The following HNRNPM variants were observed in gnomAD, a reference collection of about 807,000 sequenced individuals.
HNRNPM encodes the protein heterogeneous nuclear ribonucleoprotein M, also known as CEA receptor.
In HNRNPM, 11 loss-of-function variants were observed where a neutral mutation model predicts 73.1. That is an observed-to-expected ratio of 0.15 (90% CI 0.09 to 0.25). HNRNPM has a LOEUF of 0.25. HNRNPM is among the 10% of genes least tolerant of loss of function. The pLI is 1.00. For synonymous variants in HNRNPM, 407 were observed against 355.2 expected, an observed-to-expected ratio of 1.15 and a Z score of -1.64; for missense variants, 789 against 1,067.9, an observed-to-expected ratio of 0.74 and a Z score of 3.64.
At chr19:8,486,737 C>T (rs1442602142) in intron 14 of HNRNPM, among the ~76,000 whole-genome samples, 1 of 152,222 alleles carries the variant, frequency 6.6e-6, no homozygotes, top group Non-Finnish European at 1.5e-5. Flanking sequence ...CCCAGCTCAG[C>T]CACCCTTAGC....
chr19:8,473,586 G>A, intron 10 of HNRNPM, 78 bp from the exon 11 acceptor site: 1 of 862,774 alleles, frequency 1.2e-6, no homozygotes, highest in Non-Finnish European at 1.9e-6. Context: ...TTGCTGGTTT[G>A]GAATTATGCT....
At chr19:8,487,887 C>G (rs75970983) in intron 15 of HNRNPM, 4,577 of 152,556 alleles carry the variant, frequency 0.03, 112 homozygotes, top group South Asian at 0.088. Context: ...AGTGGGATCA[C>G]AGCGCCCCCA....
Position 8,472,657 on chromosome 19 carries a change from C to T in HNRNPM, c.998-1007C>T, listed in dbSNP as rs1324219759. Among the ~76,000 whole-genome samples the T allele has an allele frequency of 2.6e-5, 4 of 152,186 alleles. No homozygotes were observed. The East Asian group carries it at 7.7e-4, about 29-fold the overall frequency. ...GCAGTGGCTCAATCTCAGCTTACCG[C>T]ACTCAATCTCTGCCTCCTGGGTTCA... On this transcript the variant is annotated intron_variant, in intron 10 of 15. Coordinates refer to ENST00000325495, the MANE Select transcript of HNRNPM (RefSeq NM_005968.5).
At chr19:8,470,367 G>A (rs950162349) in intron 9 of HNRNPM, among the ~76,000 whole-genome samples, 3 of 151,934 alleles carry the variant, frequency 2.0e-5, no homozygotes, top group Non-Finnish European at 4.4e-5. Flanking sequence ...TCGCTCTGTC[G>A]CCCAGGCTGG....
chr19:8,445,653 C>T (rs1968107614), intron 1 of HNRNPM: 2 of 152,408 alleles, frequency 1.3e-5, no homozygotes, highest in South Asian at 4.1e-4. Flanking sequence ...CCCTCCTGCC[C>T]CGCCCCTTAG....
intron 15 of HNRNPM, 52 bp downstream of exon 15, chr19:8,487,127 G>A (rs770627064): frequency 9.4e-6 from 14 of 1,486,530 alleles, no homozygotes; most frequent in Admixed American, 5.0e-5. Flanking sequence ...TGTTGGTGAC[G>A]CAGCCGAGTC....
Position 8,462,316 on chromosome 19 carries a change from A to G in HNRNPM, c.284-213A>G, listed in dbSNP as rs1969459299. 1.9e-6 allele frequency: 1 copy of G among 515,088 alleles called. No individual in the cohort carries two copies. The highest frequency in any genetic ancestry group is 3.2e-5 in the Admixed American group (1 of 30,784). 31.9% of individuals were successfully genotyped at this position (515,088 alleles called of 1,614,324 possible). A position where few individuals can be genotyped will look rare whatever the true frequency, so the allele number is the denominator to read the frequency against. On this transcript the variant is annotated intron_variant, in intron 2 of 15. Coordinates refer to ENST00000325495, the MANE Select transcript of HNRNPM (RefSeq NM_005968.5). The surrounding 1 kb of genome is among the most constrained non-coding windows in gnomAD (Gnocchi z 4.5). Reference sequence around the variant, plus strand: ...TGTGGAATAGCTTGTTTGTGGTGGGAGGAAAATCAAGGACATATTGTTAAC... The same window carrying G: ...TGTGGAATAGCTTGTTTGTGGTGGGGGGAAAATCAAGGACATATTGTTAAC...
chr19:8,469,324 T>C (rs1314667968), intron 9 of HNRNPM, among the ~76,000 whole-genome samples: 2 of 152,160 alleles, frequency 1.3e-5, no homozygotes, highest in African/African-American at 4.8e-5. Context: ...GAAAGTAGAT[T>C]AGTGGTTGCC....
intron 12 of HNRNPM, among the ~76,000 whole-genome samples, chr19:8,476,305 G>A (rs937734461): frequency 6.6e-6 from 1 of 152,152 alleles, no homozygotes; most frequent in African/African-American, 2.4e-5. Context: ...CTTGGGCACT[G>A]CAAGGAAACT....
Position 8,462,428 on chromosome 19 carries a change from G to A in HNRNPM, c.284-101G>A. ...GAGTGTTTCTGGGCTTTCTTATAAG[G>A]CAGAGGCTCCATACAAGGTTGCTGA... On this transcript the variant is annotated intron_variant, in intron 2 of 15. Coordinates refer to ENST00000325495, the MANE Select transcript of HNRNPM (RefSeq NM_005968.5). The surrounding 1 kb of genome is among the most constrained non-coding windows in gnomAD (Gnocchi z 4.5). The A allele has an allele frequency of 1.0e-6, 1 of 968,328 alleles. No individual in the cohort carries two copies. Among genetic ancestry groups the A allele is most frequent in the Non-Finnish European group, 1.7e-6 (1 of 593,892 alleles). 60.0% of individuals were successfully genotyped at this position (968,328 alleles called of 1,614,324 possible).
In HNRNPM at chr19:8,485,716, G is replaced by A. The variant is rs1470667120; in HGVS notation, c.1288G>A (p.Val430Met). 3 of 1,606,914 alleles carry A rather than the reference G, an allele frequency of 1.9e-6. No individual in the cohort carries two copies. The highest frequency in any genetic ancestry group is 2.2e-5 in the East Asian group (1 of 44,828). The change falls in exon 14 of 16, where the codon GTG (valine) becomes ATG (methionine). Residue 430 changes from valine (V) to methionine (M), a missense_variant. By Grantham distance (21) the Val-to-Met change is conservative. Transcript: ENST00000325495. ...GAGLGHGMDR[V>M]GSEIERMGLV... ...GGGCCTGGGCCACGGCATGGATCGC[G>A]TGGGCTCCGAGATCGAGCGCATGGG...
chr19:8,471,548 CT>C, intron 10 of HNRNPM, 121 bp downstream of exon 10: 1 of 469,780 alleles, frequency 2.1e-6, no homozygotes. Context: ...AAATTCCCTC[CT>C]TATTCATCTC....
chr19:8,474,277 A>G, intron 12 of HNRNPM, 33 bp downstream of exon 12: 1 of 1,502,304 alleles, frequency 6.7e-7, no homozygotes, highest in South Asian at 1.3e-5. Context: ...GCTTTCACTC[A>G]CCCTTTGCCG....
chr19:8,470,080 T>G (rs1396198581), intron 9 of HNRNPM, among the ~76,000 whole-genome samples: 1 of 152,236 alleles, frequency 6.6e-6, no homozygotes, highest in Non-Finnish European at 1.5e-5. Flanking sequence ...TTGACTCTTG[T>G]GCTGGAGCAG....
chr19:8,452,685 T>C (rs1298939026), intron 1 of HNRNPM, among the ~76,000 whole-genome samples: 1 of 152,120 alleles, frequency 6.6e-6, no homozygotes, highest in African/African-American at 2.4e-5. Context: ...TGTGTATTGG[T>C]ATAGTTGAGA....
intron 2 of HNRNPM, among the ~76,000 whole-genome samples, chr19:8,456,302 C>T (rs539881150): frequency 5.9e-5 from 9 of 152,348 alleles, no homozygotes; most frequent in African/African-American, 2.2e-4. Context: ...CCCCCGTGCA[C>T]ACTGTGGTGT....
chr19:8,484,669 C>T (rs1971148598), intron 13 of HNRNPM, among the ~76,000 whole-genome samples: 1 of 152,218 alleles, frequency 6.6e-6, no homozygotes, highest in Non-Finnish European at 1.5e-5. Context: ...GTTAGAGAAA[C>T]TGCCCAGTTT....
chr19:8,467,849 A>T (rs1341275055), intron 8 of HNRNPM, among the ~76,000 whole-genome samples: 1 of 151,818 alleles, frequency 6.6e-6, no homozygotes, highest in Admixed American at 6.6e-5. Context: ...ACGTGGTGGA[A>T]CTCCTCCGTC....
rs768523071 is a variant in HNRNPM at position 8,474,253 on chromosome 19, C to A, written c.1120+9C>A. ...CATGGGCAGGATAAATGGTAAGCAT[C>A]GTGTTTTCTTCCTGCTTTCACTCAC... On this transcript the variant is annotated intron_variant, in intron 12 of 15. Transcript: ENST00000325495. 7.7e-6 allele frequency: 12 copies of A among 1,567,010 alleles called. No individual in the cohort carries two copies. The Middle Eastern group carries it at 1.5e-3, about 198-fold the overall frequency.
Sources: allele counts gnomAD v4.1 joint callset (sites outside exome capture counted in the v4.1 genomes callset), GRCh38; gene constraint gnomAD v4.1.1; non-coding constraint Gnocchi (gnomAD v3.1); transcripts MANE v1.5; gene names NCBI Gene and HGNC (gene_info 2026-07-23, HGNC 2026-07-21).